WASF3: variants seen among roughly 807,000 people sequenced by gnomAD.
WASF3 encodes the protein WASP family member 3, also known as actin-binding protein WASF3.
A neutral mutation model predicts 46.6 loss-of-function variants in WASF3; 11 were observed. The ratio of observed to expected loss-of-function variants is 0.24; its 90% confidence interval spans 0.15 to 0.39. The LOEUF is 0.39. Ranked by LOEUF, WASF3 falls within the 10% of genes least tolerant of loss-of-function variation. The pLI is 1.00. For missense variants in WASF3, 576 were observed against 669.8 expected, an observed-to-expected ratio of 0.86 and a Z score of 1.55; for synonymous variants, 242 against 259.7, an observed-to-expected ratio of 0.93 and a Z score of 0.65.
Position 26,681,272 on chromosome 13 carries a change from C to A in WASF3, c.935C>A (p.Ala312Asp), listed in dbSNP as rs1158990612. 12 of 1,612,750 alleles carry A rather than the reference C, an allele frequency of 7.4e-6. No homozygotes were observed. Among genetic ancestry groups the A allele is most frequent in the Non-Finnish European group, 1.0e-5 (12 of 1,179,650 alleles). ...QQPPPPPPPQ[A>D]PEGSQASAPM... is the part of the protein sequence containing the mutation. ...CCGCCCCCCCCGCCTCCCCCTCAGG[C>A]CCCAGAGGGGTCCCAGGCCTCTGCA... is the stretch of plus-strand genomic sequence containing the variant. Residue 312 changes from alanine to aspartate, a missense_variant, in exon 8 of 10, where the codon GCC (alanine) becomes GAC (aspartate). Physicochemically the swap from Ala to Asp is moderately radical, Grantham distance 126 (BLOSUM62 -2). This residue lies in a region of WASF3 where 295 missense variants were observed against 291.5 expected (regional missense o/e 1.01). Transcript: ENST00000335327.
chr13:26,598,138 T>G (rs9319307), intron 1 of WASF3, among the ~76,000 whole-genome samples: 2 of 152,042 alleles, frequency 1.3e-5, no homozygotes, highest in Non-Finnish European at 2.9e-5. Context: ...TTGTTTCCTG[T>G]CTTTCTAATG....
intron 7 of WASF3, chr13:26,680,179 AAAGAG>A: frequency 6.3e-7 from 1 of 1,589,178 alleles, no homozygotes; most frequent in Non-Finnish European, 8.5e-7. Context: ...AGGGAGCGCC[AAAGAG>A]GACAGAGTGC....
chr13:26,555,138 G>T (rs1219941732), upstream of WASF3, among the ~76,000 whole-genome samples: 1 of 151,954 alleles, frequency 6.6e-6, no homozygotes, highest in African/African-American at 2.4e-5. Context: ...GTTTTAATTT[G>T]CAATTCCTTA....
At chr13:26,659,702 A>ATG (rs1882569017) in intron 3 of WASF3, among the ~76,000 whole-genome samples, 1 of 152,100 alleles carries the variant, frequency 6.6e-6, no homozygotes, top group Non-Finnish European at 1.5e-5. Context: ...GACCCTGGAT[A>ATG]TATTCTGAAA....
intron 2 of WASF3, chr13:26,638,655 A>T (rs1012816129): frequency 4.0e-5 from 6 of 151,886 alleles, no homozygotes; most frequent in Admixed American, 6.6e-5. Context: ...TTTTCCTTTG[A>T]CTCTTCCTCG....
At position 26,685,540 on chromosome 13, in the gene WASF3, T is replaced by C. The variant is rs1430090821; in HGVS notation, c.1352-148T>C. 4.4e-6 allele frequency: 4 copies of C among 907,562 alleles called. No individual in the cohort carries two copies. The African/African-American group carries it at 6.7e-5, about 15-fold the overall frequency. The allele number at this position is 907,562 out of a possible 1,614,324, so 56.2% of individuals were successfully genotyped here. A position where few individuals can be genotyped will look rare whatever the true frequency, so the allele number is the denominator to read the frequency against. Reference sequence around the variant, plus strand: ...GTTTTTTCTCATGAAACTTTTAATATTCCCTGAGCTTTTCTCCCCTCAAAT... The same window carrying C: ...GTTTTTTCTCATGAAACTTTTAATACTCCCTGAGCTTTTCTCCCCTCAAAT... On this transcript the variant is annotated intron_variant, in intron 9 of 9. Transcript: ENST00000335327.
intron 1 of WASF3, among the ~76,000 whole-genome samples, chr13:26,608,010 G>A (rs550589815): frequency 7.3e-4 from 111 of 151,224 alleles, no homozygotes; most frequent in Non-Finnish European, 1.3e-3. Flanking sequence ...CCTAGTACAG[G>A]AGCTCAGTCC....
At chr13:26,633,755 G>A (rs1028372637) in intron 2 of WASF3, among the ~76,000 whole-genome samples, 3 of 152,180 alleles carry the variant, frequency 2.0e-5, no homozygotes, top group African/African-American at 7.2e-5. Flanking sequence ...GTACCCAGTA[G>A]TCATTCAGGA....
In WASF3 at chr13:26,679,651, A is replaced by G. The variant is rs1277862847; in HGVS notation, c.717-1403A>G. Among the ~76,000 whole-genome samples the G allele has an allele frequency of 6.6e-6, 1 of 152,198 alleles. No individual in the cohort carries two copies. The highest frequency in any genetic ancestry group is 6.5e-5 in the Admixed American group (1 of 15,284). Reference sequence around the variant, plus strand: ...TCATGCGCAGAGTCAAGCACACATCATCAGTGTCTCCAAGGGTTATAGGAA... The same window carrying G: ...TCATGCGCAGAGTCAAGCACACATCGTCAGTGTCTCCAAGGGTTATAGGAA... On this transcript the variant is annotated intron_variant, in intron 7 of 9. Transcript: ENST00000335327. This position sits in a 1 kb window ranked among gnomAD's most constrained non-coding sequence, Gnocchi z 4.8.
At chr13:26,644,313 T>C (rs899768433) in intron 3 of WASF3, among the ~76,000 whole-genome samples, 2 of 152,234 alleles carry the variant, frequency 1.3e-5, no homozygotes, top group Non-Finnish European at 2.9e-5. Flanking sequence ...AGGATAGTAA[T>C]TGGTGTTATT....
intron 1 of WASF3, among the ~76,000 whole-genome samples, chr13:26,608,787 TAAA>T (rs947447627): frequency 6.6e-6 from 1 of 152,192 alleles, no homozygotes; most frequent in South Asian, 2.1e-4. Flanking sequence ...TGCTTTTTGC[TAAA>T]AAATTCATAT....
chr13:26,548,905 C>G, the WASF3 span, among the ~76,000 whole-genome samples: 5 of 152,088 alleles, frequency 3.3e-5, no homozygotes, highest in Non-Finnish European at 7.4e-5. Flanking sequence ...TCTTCCCTCT[C>G]TCTGATACGC....
intron 2 of WASF3, among the ~76,000 whole-genome samples, chr13:26,615,310 TTG>T (rs1237146817): frequency 6.6e-6 from 1 of 152,126 alleles, no homozygotes; most frequent in Admixed American, 6.6e-5. Flanking sequence ...GTTTTTGTTT[TTG>T]TTTTGATTTT....
chr13:26,643,910 T>C (rs1035049745), intron 3 of WASF3, among the ~76,000 whole-genome samples: 1 of 152,234 alleles, frequency 6.6e-6, no homozygotes, highest in Non-Finnish European at 1.5e-5. Flanking sequence ...CCTCCGGATA[T>C]GTCCATGTCC....
intron 1 of WASF3, among the ~76,000 whole-genome samples, chr13:26,598,454 C>G (rs936033337): frequency 6.6e-6 from 1 of 152,160 alleles, no homozygotes; most frequent in African/African-American, 2.4e-5. Flanking sequence ...TGCAGAAGCT[C>G]TTCGGCCCGA....
At chr13:26,553,557 C>T (rs1365752535), upstream of WASF3, among the ~76,000 whole-genome samples, 7 of 152,058 alleles carry the variant, frequency 4.6e-5, no homozygotes, top group Admixed American at 6.5e-5. Flanking sequence ...GTGGCTCACG[C>T]CTGTAATCCT....
intron 1 of WASF3, among the ~76,000 whole-genome samples, chr13:26,604,665 T>C (rs1488919511): frequency 1.3e-5 from 2 of 152,220 alleles, no homozygotes; most frequent in Non-Finnish European, 2.9e-5. Flanking sequence ...TGAAATAGGC[T>C]ATTTTTAGCA....
In WASF3 at chr13:26,685,984, A is replaced by T; in HGVS notation, c.*139A>T. On this transcript the variant is annotated 3_prime_UTR_variant, in exon 10 of 10. Transcript: ENST00000335327. ...GTGATATTGCTTCTGCACATCCAAA[A>T]ATTCTGGGTCTTTTCAGTATTTACT... 8.2e-7 allele frequency: 1 copy of T among 1,223,476 alleles called. No individual in the cohort carries two copies. Among genetic ancestry groups the T allele is most frequent in the Non-Finnish European group, 1.1e-6 (1 of 907,696 alleles). The allele number at this position is 1,223,476 out of a possible 1,614,324, so 75.8% of individuals were successfully genotyped here.
At chr13:26,614,048 A>G (rs1299705554) in intron 2 of WASF3, among the ~76,000 whole-genome samples, 1 of 152,134 alleles carries the variant, frequency 6.6e-6, no homozygotes, top group Admixed American at 6.5e-5. Flanking sequence ...AAATGAGAGG[A>G]TGTATATGGA....
Sources: allele counts gnomAD v4.1 joint callset (sites outside exome capture counted in the v4.1 genomes callset), GRCh38; gene constraint gnomAD v4.1.1; regional missense constraint gnomAD v4.1.1; non-coding constraint Gnocchi (gnomAD v3.1); transcripts MANE v1.5; gene names NCBI Gene and HGNC (gene_info 2026-07-23, HGNC 2026-07-21).